ZNF425: variants seen among roughly 807,000 people sequenced by gnomAD.
ZNF425 encodes the protein zinc finger protein 425.
ZNF425 carries 21 observed loss-of-function variants against 17.0 expected under a neutral mutation model. That is an observed-to-expected ratio of 1.23 (90% CI 0.88 to 1.78). The LOEUF is 1.78. Ranked by LOEUF, ZNF425 falls within the 40% of genes most tolerant of loss-of-function variation. The probability of loss-of-function intolerance (pLI) is 0.00; values close to 1 mark genes in which losing one functional copy is unlikely to be tolerated. For missense variants in ZNF425, 868 were observed against 967.3 expected, an observed-to-expected ratio of 0.90 and a Z score of 1.36; for synonymous variants, 433 against 384.1, an observed-to-expected ratio of 1.13 and a Z score of -1.49.
Position 149,104,527 on chromosome 7 carries a change from G to A in ZNF425, c.1344C>T (p.Ser448=). The change falls in exon 4 of 4, where the codon AGC becomes AGT. Residue 448 remains serine (S), a synonymous_variant. Coordinates refer to ENST00000378061, the MANE Select transcript of ZNF425 (RefSeq NM_001001661.3). This position sits in a 1 kb window ranked among gnomAD's most constrained non-coding sequence, Gnocchi z 4.3. ...GKRPFQCPEC[S]RGFFWRNAMR... Reference sequence around the variant, plus strand: ...TGGCGTTCCTCCAGAAGAAGCCCCTGCTGCACTCCGGGCACTGGAAGGGCC... The same window carrying A: ...TGGCGTTCCTCCAGAAGAAGCCCCTACTGCACTCCGGGCACTGGAAGGGCC... 1 of 1,607,344 alleles carries A rather than the reference G, an allele frequency of 6.2e-7. No individual in the cohort carries two copies. The highest frequency in any genetic ancestry group is 8.5e-7 in the Non-Finnish European group (1 of 1,177,344).
chr7:149,110,680 A>C (rs1420541811), intron 3 of ZNF425, among the ~76,000 whole-genome samples: 1 of 152,034 alleles, frequency 6.6e-6, no homozygotes, highest in African/African-American at 2.4e-5. Context: ...TCTGTATAAT[A>C]AAAAAAATTT....
intron 3 of ZNF425, among the ~76,000 whole-genome samples, chr7:149,111,590 T>TAAAAAAAAAAAAAAAAAAAA (rs60783786): frequency 1.1e-4 from 6 of 54,382 alleles, no homozygotes; most frequent in Non-Finnish European, 1.3e-4. Context: ...AGACTCTGTC[T>TAAAAAAAAAAAAAAAAAAAA]AAAAAAAAAA....
intron 1 of ZNF425, 116 bp downstream of exon 1, chr7:149,126,080 T>G (rs1826462105): frequency 6.4e-7 from 1 of 1,567,206 alleles, no homozygotes; most frequent in African/African-American, 1.4e-5. Flanking sequence ...CGTGGGCCAC[T>G]GCCAACCCCC....
chr7:149,104,814 T>A lies in ZNF425; in HGVS notation c.1057A>T (p.Ser353Cys), dbSNP rs773034917. The A allele has an allele frequency of 3.7e-6, 6 of 1,613,884 alleles. No individual in the cohort carries two copies. The highest frequency in any genetic ancestry group is 1.7e-4 in the Middle Eastern group (1 of 6,058). Residue 353 changes from serine (S) to cysteine (C), a missense_variant, in exon 4 of 4, where the codon AGC becomes TGC. Ser to Cys is a moderately radical substitution (Grantham distance 112). This residue lies in a region of ZNF425 where 243 missense variants were observed against 265.2 expected (regional missense o/e 0.92). Coordinates refer to ENST00000378061, the MANE Select transcript of ZNF425 (RefSeq NM_001001661.3). This position sits in a 1 kb window ranked among gnomAD's most constrained non-coding sequence, Gnocchi z 4.3. ...GGACAGTGGAAGGGCCTCTTCCCGCTGTGCTGGGTCAGATGGACCTTCATG... is the reference window on the plus strand; with the variant it reads ...GGACAGTGGAAGGGCCTCTTCCCGCAGTGCTGGGTCAGATGGACCTTCATG... ...RGMKVHLTQH[S>C]GKRPFHCPEC...
At chr7:149,121,079 CTTTT>C (rs75534831) in intron 1 of ZNF425, among the ~76,000 whole-genome samples, 1 of 62,756 alleles carries the variant, frequency 1.6e-5, no homozygotes, top group African/African-American at 8.7e-5. Flanking sequence ...TTTTACATTC[CTTTT>C]TTTTTTTTTT....
intron 2 of ZNF425, among the ~76,000 whole-genome samples, chr7:149,117,333 T>C (rs1021544478): frequency 4.6e-5 from 7 of 152,032 alleles, no homozygotes; most frequent in Admixed American, 3.3e-4. Context: ...TTTCCCCAAA[T>C]TTCTCTTTAA....
chr7:149,124,401 C>T (rs550482903), intron 1 of ZNF425, among the ~76,000 whole-genome samples: 1 of 152,160 alleles, frequency 6.6e-6, no homozygotes, highest in African/African-American at 2.4e-5. Flanking sequence ...ATGATCCGCC[C>T]GTCTTGGCCA....
At position 149,118,235 on chromosome 7, in the gene ZNF425, G is replaced by A. The variant is rs758083035; in HGVS notation, c.132C>T (p.Thr44=). ...AGCTCATCTTACCCAGGGAATCAAG[G>A]GTCTCGTAATTGGTCTTCATCTCTT... ...YKQEMKTNYE[T]LDSLGYAFSK... is the part of the protein sequence containing the mutation. The change falls in exon 2 of 4, where the codon ACC becomes ACT. Residue 44 remains threonine (T), a synonymous_variant. Transcript: ENST00000378061. 1.4e-5 allele frequency: 23 copies of A among 1,613,876 alleles called. No individual in the cohort carries two copies. The African/African-American group carries it at 1.9e-4, about 13-fold the overall frequency.
intron 1 of ZNF425, among the ~76,000 whole-genome samples, chr7:149,121,992 T>C (rs1264888403): frequency 6.6e-6 from 1 of 152,092 alleles, no homozygotes; most frequent in Non-Finnish European, 1.5e-5. Flanking sequence ...CGCGGCTCAC[T>C]GCAAGCTGCA....
chr7:149,106,848 C>G (rs1826089589), intron 3 of ZNF425, among the ~76,000 whole-genome samples: 1 of 152,058 alleles, frequency 6.6e-6, no homozygotes, highest in Non-Finnish European at 1.5e-5. Flanking sequence ...GTGGCTCACA[C>G]CTGTAATCCC....
At chr7:149,125,989 G>A in intron 1 of ZNF425, 1 of 1,118,326 alleles carries the variant, frequency 8.9e-7, no homozygotes, top group Non-Finnish European at 1.3e-6. Flanking sequence ...AGCCCGGCCA[G>A]ACCAGCTTTT....
Position 149,103,589 on chromosome 7 carries a change from G to A in ZNF425, c.*23C>T. ...TGCTGGCACCTCCTGAAAGCCGACT[G>A]CGTGACTGCTGCATGGCCTGACCTA... is the stretch of plus-strand genomic sequence containing the variant. On this transcript the variant is annotated 3_prime_UTR_variant, in exon 4 of 4. Transcript: ENST00000378061. 6.4e-7 allele frequency: 1 copy of A among 1,557,394 alleles called. No individual in the cohort carries two copies. Among genetic ancestry groups the A allele is most frequent in the Non-Finnish European group, 8.6e-7 (1 of 1,156,266 alleles).
chr7:149,115,808 AGG>A (rs1233498339), intron 2 of ZNF425, among the ~76,000 whole-genome samples: 4 of 152,110 alleles, frequency 2.6e-5, no homozygotes, highest in African/African-American at 9.7e-5. Flanking sequence ...CCTCAGATCA[AGG>A]CTTCATCTCC....
Position 149,104,901 on chromosome 7 carries a change from G to A in ZNF425, c.970C>T (p.His324Tyr). ...QCELTEHLRL[H>Y]SGEKPFQCPQ... ...CACTGGAAGGGCTTCTCTCCGCTGT[G>A]CAGCCGCAAGTGCTCCGTGAGCTCG... The change falls in exon 4 of 4, where the codon CAC (histidine) becomes TAC (tyrosine). Residue 324 changes from histidine (H) to tyrosine (Y), a missense_variant. By Grantham distance (83) the His-to-Tyr change is moderately conservative (BLOSUM62 2). Around this residue, in one of 5 missense-constraint regions of ZNF425, gnomAD observed 243 missense variants for 265.2 expected, o/e 0.92. Transcript: ENST00000378061. The surrounding 1 kb of genome is among the most constrained non-coding windows in gnomAD (Gnocchi z 4.3). 2 of 1,613,562 alleles carry A rather than the reference G, an allele frequency of 1.2e-6. No individual in the cohort carries two copies. Among genetic ancestry groups the A allele is most frequent in the Non-Finnish European group, 1.7e-6 (2 of 1,179,938 alleles).
chr7:149,123,592 C>A (rs1826395447), intron 1 of ZNF425, among the ~76,000 whole-genome samples: 1 of 151,808 alleles, frequency 6.6e-6, no homozygotes, highest in Non-Finnish European at 1.5e-5. Context: ...AGTGCAGTGG[C>A]ACAATCTTGG....
At chr7:149,118,939 T>C (rs548997120) in intron 1 of ZNF425, among the ~76,000 whole-genome samples, 13 of 152,320 alleles carry the variant, frequency 8.5e-5, no homozygotes, top group Admixed American at 2.6e-4. Context: ...GGGTCTAGTA[T>C]TGCTGGATGT....
intron 3 of ZNF425, among the ~76,000 whole-genome samples, chr7:149,110,226 A>C (rs1294291982): frequency 6.6e-6 from 1 of 151,924 alleles, no homozygotes; most frequent in Non-Finnish European, 1.5e-5. Flanking sequence ...TCCTGGCCTC[A>C]AAGTCTCCTG....
At chr7:149,107,628 C>T (rs146052888) in intron 3 of ZNF425, among the ~76,000 whole-genome samples, 8 of 151,822 alleles carry the variant, frequency 5.3e-5, no homozygotes, top group Admixed American at 2.0e-4. Context: ...TAAGCCACCG[C>T]GCCTGGCCAA....
At position 149,105,057 on chromosome 7, in the gene ZNF425, G is replaced by A. The variant is rs1826057474; in HGVS notation, c.814C>T (p.Arg272Trp). The change falls in exon 4 of 4, where the codon CGG (arginine) becomes TGG (tryptophan). Residue 272 changes from arginine to tryptophan, a missense_variant. This residue lies in a region of ZNF425 where 243 missense variants were observed against 265.2 expected (regional missense o/e 0.92). Transcript: ENST00000378061. Reference protein sequence around the residue: ...VTHQVVHTGQRPYPCPECDKT... With the variant: ...VTHQVVHTGQWPYPCPECDKT... ...TCGCACTCAGGGCATGGGTAGGGCC[G>A]CTGGCCGGTGTGGACAACCTGATGA... 1 of 1,614,244 alleles carries A rather than the reference G, an allele frequency of 6.2e-7. No individual in the cohort carries two copies. The highest frequency in any genetic ancestry group is 8.5e-7 in the Non-Finnish European group (1 of 1,180,046).
Sources: gnomAD v4.1 joint callset for allele counts (sites outside exome capture counted in the v4.1 genomes callset) on GRCh38, gnomAD v4.1.1 for gene constraint, gnomAD v4.1.1 regional missense constraint, Gnocchi (gnomAD v3.1) non-coding constraint, MANE v1.5 for transcripts, NCBI Gene and HGNC (gene_info 2026-07-23, HGNC 2026-07-21) for gene names.